The following PLPP3 variants were observed in gnomAD, a reference collection of about 807,000 sequenced individuals.
The protein encoded by PLPP3 is phospholipid phosphatase 3, also known as PAP2 beta.
A neutral mutation model predicts 29.6 loss-of-function variants in PLPP3; 6 were observed. The ratio of observed to expected loss-of-function variants is 0.20; its 90% confidence interval spans 0.11 to 0.40. PLPP3 has a LOEUF of 0.40. Among genes scored for constraint, PLPP3 ranks in the 10% least tolerant of loss-of-function variants. PLPP3 has a pLI of 1.00. For missense variants in PLPP3, 308 were observed against 407.7 expected, an observed-to-expected ratio of 0.76 and a Z score of 2.11; for synonymous variants, 152 against 159.7, an observed-to-expected ratio of 0.95 and a Z score of 0.36.
At chr1:56,574,268 C>T (rs1450690559) in intron 1 of PLPP3, among the ~76,000 whole-genome samples, 1 of 151,614 alleles carries the variant, frequency 6.6e-6, no homozygotes, top group Admixed American at 6.6e-5. Flanking sequence ...GAAAAGTCAA[C>T]AGGGCTTACC....
intron 4 of PLPP3, chr1:56,513,842 G>C (rs192501187): frequency 6.6e-6 from 1 of 152,018 alleles, no homozygotes; most frequent in African/African-American, 2.4e-5. Flanking sequence ...AGATAGCATA[G>C]AGCCTTTATG....
chr1:56,550,914 C>T (rs1646033793), intron 1 of PLPP3, among the ~76,000 whole-genome samples: 4 of 152,118 alleles, frequency 2.6e-5, no homozygotes, highest in Admixed American at 2.0e-4. Context: ...GAAGAATCCC[C>T]AACTGGAATC....
chr1:56,567,301 C>CTTTAGTGGT (rs1162132862), intron 1 of PLPP3, among the ~76,000 whole-genome samples: 1 of 151,718 alleles, frequency 6.6e-6, no homozygotes, highest in Non-Finnish European at 1.5e-5. Flanking sequence ...CAAAGTGACG[C>CTTTAGTGGT]TTTAGTGGTT....
At chr1:56,501,581 T>G (rs979358642) in intron 5 of PLPP3, among the ~76,000 whole-genome samples, 1 of 152,140 alleles carries the variant, frequency 6.6e-6, no homozygotes, top group African/African-American at 2.4e-5. Context: ...TGTGGGGAAG[T>G]GATTCTGACC....
chr1:56,557,028 G>GAAA (rs759578673), intron 1 of PLPP3, among the ~76,000 whole-genome samples: 25 of 11,680 alleles, frequency 2.1e-3, no homozygotes, highest in South Asian at 2.7e-3. Context: ...GAGAGAGAAA[G>GAAA]AGAGAGAGAG....
chr1:56,555,447 A>C (rs1259554241), intron 1 of PLPP3, among the ~76,000 whole-genome samples: 13 of 148,384 alleles, frequency 8.8e-5, no homozygotes, highest in African/African-American at 3.0e-4. Context: ...AAAAAAAAAA[A>C]AAAAAAAAAA....
chr1:56,574,403 C>T (rs1646221395), intron 1 of PLPP3, among the ~76,000 whole-genome samples: 1 of 152,082 alleles, frequency 6.6e-6, no homozygotes, highest in Non-Finnish European at 1.5e-5. Flanking sequence ...TACAGGCTTG[C>T]ACCACCACGC....
chr1:56,576,316 T>A (rs1646235434), intron 1 of PLPP3, among the ~76,000 whole-genome samples: 1 of 152,178 alleles, frequency 6.6e-6, no homozygotes, highest in South Asian at 2.1e-4. Flanking sequence ...CAATAAACTA[T>A]ATAAAAATTA....
intron 1 of PLPP3, among the ~76,000 whole-genome samples, chr1:56,550,694 C>G (rs1474792569): frequency 1.3e-5 from 2 of 152,144 alleles, no homozygotes; most frequent in African/African-American, 4.8e-5. Flanking sequence ...ACAAAGCCCC[C>G]ACTGTTCTCT....
intron 5 of PLPP3, among the ~76,000 whole-genome samples, chr1:56,506,870 A>T (rs1475458066): frequency 6.6e-6 from 1 of 151,984 alleles, no homozygotes; most frequent in African/African-American, 2.4e-5. Flanking sequence ...CTGCCCATGC[A>T]CCTCATGGTC....
At chr1:56,539,403 T>C (rs1037393838) in intron 1 of PLPP3, among the ~76,000 whole-genome samples, 2 of 152,236 alleles carry the variant, frequency 1.3e-5, no homozygotes, top group African/African-American at 4.8e-5. Context: ...AGTGTATTTA[T>C]GTATCACTGT....
At chr1:56,521,223 AGACTC>A (rs1437827622) in intron 4 of PLPP3, among the ~76,000 whole-genome samples, 2 of 140,706 alleles carry the variant, frequency 1.4e-5, no homozygotes, top group Admixed American at 1.5e-4. Context: ...TGACAGAATG[AGACTC>A]TGTCTCAAAA....
chr1:56,538,637 GA>G, intron 1 of PLPP3: 1 of 333,598 alleles, frequency 3.0e-6, no homozygotes, highest in Non-Finnish European at 5.7e-6. Flanking sequence ...GGCTAAACTG[GA>G]AGAGTCTGCA....
Position 56,524,164 on chromosome 1 carries a change from T to G in PLPP3, c.575+113A>C. On this transcript the variant is annotated intron_variant, in intron 3 of 5. Transcript: ENST00000371250. The surrounding 1 kb of genome is among the most constrained non-coding windows in gnomAD (Gnocchi z 4.3). ...CATCTGACTGTGAGTTCCTCAAGAA[T>G]AGGAACTATGCCTTATTCACCCATC... 1 of 1,289,368 alleles carries G rather than the reference T, an allele frequency of 7.8e-7. No individual in the cohort carries two copies. Among genetic ancestry groups the G allele is most frequent in the Non-Finnish European group, 1.1e-6 (1 of 924,414 alleles). 79.9% of individuals were successfully genotyped at this position (1,289,368 alleles called of 1,614,324 possible).
At chr1:56,540,961 T>C (rs1361936236) in intron 1 of PLPP3, among the ~76,000 whole-genome samples, 1 of 152,198 alleles carries the variant, frequency 6.6e-6, no homozygotes, top group African/African-American at 2.4e-5. Flanking sequence ...TCACTTCATT[T>C]GGAGAAATTT....
chr1:56,547,868 T>C (rs1471238764), intron 1 of PLPP3, among the ~76,000 whole-genome samples: 2 of 152,226 alleles, frequency 1.3e-5, no homozygotes, highest in Non-Finnish European at 2.9e-5. Flanking sequence ...TGACACTCTA[T>C]GTGATCTTCA....
In PLPP3 at chr1:56,524,802, GTGTA is replaced by G. The variant is rs1382178114; in HGVS notation, c.298-252_298-249del. 3.2e-5 allele frequency among the ~76,000 whole-genome samples: 4 copies of G among 126,322 alleles called. No homozygotes were observed. The highest frequency in any genetic ancestry group is 2.6e-4 in the South Asian group (1 of 3,812). The allele number at this position is 126,322 out of a possible 152,430, so 82.9% of individuals were successfully genotyped here. ...ACCAAATATATTTATATGTATATAT[GTGTA>G]TGTGTGTGTGTGTGTGTGTGTGTGT... On this transcript the variant is annotated intron_variant, in intron 2 of 5. Transcript: ENST00000371250. The surrounding 1 kb of genome is among the most constrained non-coding windows in gnomAD (Gnocchi z 4.3).
chr1:56,500,739 TCACG>T (rs545388420), intron 5 of PLPP3, among the ~76,000 whole-genome samples: 24 of 152,284 alleles, frequency 1.6e-4, no homozygotes, highest in African/African-American at 5.8e-4. Flanking sequence ...GTGCAGTGGC[TCACG>T]CCTAAAATCC....
rs763384351 is a variant in PLPP3 at position 56,578,933 on chromosome 1, C to T, written c.84G>A (p.Arg28=). The change falls in exon 1 of 6, where the codon AGG becomes AGA. Residue 28 remains arginine (R), a synonymous_variant. Coordinates refer to ENST00000371250, the MANE Select transcript of PLPP3 (RefSeq NM_003713.5). ...GSPALNNNPR[R]SGSKRVLLIC... is the part of the protein sequence containing the mutation. ...TGAGCAGCACCCGCTTGCTGCCGCT[C>T]CTCCTCGGGTTGTTGTTGAGCGCCG... The T allele has an allele frequency of 3.7e-6, 6 of 1,605,994 alleles. No individual in the cohort carries two copies. The South Asian group carries it at 4.4e-5, about 12-fold the overall frequency.
Sources: gnomAD v4.1 joint callset for allele counts (sites outside exome capture counted in the v4.1 genomes callset) on GRCh38, gnomAD v4.1.1 for gene constraint, Gnocchi (gnomAD v3.1) non-coding constraint, MANE v1.5 for transcripts, NCBI Gene and HGNC (gene_info 2026-07-23, HGNC 2026-07-21) for gene names.